The following SLC37A3 variants were observed in gnomAD, a reference collection of about 807,000 sequenced individuals.
SLC37A3 encodes the protein sugar phosphate exchanger 3.
SLC37A3 carries 51 observed loss-of-function variants against 67.1 expected under a neutral mutation model. That is an observed-to-expected ratio of 0.76 (90% CI 0.61 to 0.96). SLC37A3 has a LOEUF of 0.96. Among genes scored for constraint, SLC37A3 ranks in the 40% least tolerant of loss-of-function variants. The probability of loss-of-function intolerance (pLI) is 0.00; values close to 1 mark genes in which losing one functional copy is unlikely to be tolerated. For missense variants in SLC37A3, 508 were observed against 603.0 expected (o/e 0.84, Z 1.65); for synonymous variants, 214 against 231.4 (o/e 0.92, Z 0.68).
chr7:140,351,905 T>C (rs1796817832), intron 8 of SLC37A3, 157 bp downstream of exon 8: 2 of 769,966 alleles, frequency 2.6e-6, no homozygotes. Flanking sequence ...CTGGCTACAA[T>C]GTCGACAGGA....
chr7:140,347,880 G>C (rs1386664584), intron 10 of SLC37A3, among the ~76,000 whole-genome samples: 1 of 152,072 alleles, frequency 6.6e-6, no homozygotes, highest in Non-Finnish European at 1.5e-5. Flanking sequence ...ACACTAAGGT[G>C]TATTTCCCCT....
intron 2 of SLC37A3, among the ~76,000 whole-genome samples, chr7:140,381,022 C>T (rs1798230790): frequency 6.6e-6 from 1 of 151,244 alleles, no homozygotes; most frequent in Admixed American, 6.6e-5. Flanking sequence ...CTCAGCCTCC[C>T]GAGTAGCTGG....
At chr7:140,375,052 AGAAGAATC>A (rs71170986) in intron 3 of SLC37A3, among the ~76,000 whole-genome samples, 82,312 of 150,418 alleles carry the variant, frequency 0.55, 22,624 homozygotes, top group South Asian at 0.65. Context: ...AGGCTGAGGC[AGAAGAATC>A]GAAGAATCGC....
chr7:140,340,381 T>C (rs1160891062), intron 13 of SLC37A3, among the ~76,000 whole-genome samples: 1 of 152,092 alleles, frequency 6.6e-6, no homozygotes, highest in African/African-American at 2.4e-5. Context: ...TACTATTTAT[T>C]GAGAGACCAT....
At chr7:140,385,251 T>A (rs1228140192) in intron 1 of SLC37A3, among the ~76,000 whole-genome samples, 1 of 152,246 alleles carries the variant, frequency 6.6e-6, no homozygotes, top group African/African-American at 2.4e-5. Flanking sequence ...AAAGTCATTC[T>A]TCTTGGGAAA....
At chr7:140,374,115 C>T (rs890945828) in intron 3 of SLC37A3, among the ~76,000 whole-genome samples, 1 of 152,120 alleles carries the variant, frequency 6.6e-6, no homozygotes, top group Admixed American at 6.6e-5. Flanking sequence ...GACCAAAAAG[C>T]TAGAAAATCC....
rs375256772 is a variant in SLC37A3, at chr7:140,390,363, C to T, written c.-70-7767G>A. On this transcript the variant is annotated intron_variant, in intron 1 of 14. Coordinates refer to ENST00000326232, the MANE Select transcript of SLC37A3 (RefSeq NM_207113.3). ...GAAACCTAGTTACATGGTTAGCAGG[C>T]ACTATATCCTCACAAGACTCCGGGT... Among the ~76,000 whole-genome samples the T allele has an allele frequency of 1.1e-4, 16 of 152,156 alleles. No individual in the cohort carries two copies. The East Asian group carries it at 3.1e-3, about 29-fold the overall frequency.
rs373540950 is a variant in SLC37A3, at chr7:140,345,977, G to A, written c.1025-7C>T. On this transcript the variant is annotated splice_polypyrimidine_tract_variant and splice_region_variant and intron_variant, in intron 10 of 14. Coordinates refer to ENST00000326232, the MANE Select transcript of SLC37A3 (RefSeq NM_207113.3). Reference sequence around the variant, plus strand: ...AAGCCTTGCAAAGTTCCACCTTCAAGCAGAGTGTCGAGCAATCAAAATCAC... The same window carrying A: ...AAGCCTTGCAAAGTTCCACCTTCAAACAGAGTGTCGAGCAATCAAAATCAC... The A allele has an allele frequency of 5.6e-6, 9 of 1,605,302 alleles. No individual in the cohort carries two copies. The highest frequency in any genetic ancestry group is 1.7e-5 in the Admixed American group (1 of 59,960).
At chr7:140,378,442 G>T (rs1184263802) in intron 3 of SLC37A3, among the ~76,000 whole-genome samples, 1 of 152,096 alleles carries the variant, frequency 6.6e-6, no homozygotes, top group African/African-American at 2.4e-5. Flanking sequence ...CCATCTTTAA[G>T]ATTTATGATT....
intron 12 of SLC37A3, 186 bp from the exon 13 acceptor site, chr7:140,343,749 C>T: frequency 1.7e-6 from 1 of 591,294 alleles, no homozygotes; most frequent in Admixed American, 3.4e-5. Context: ...GAAATCCCTT[C>T]TCGAATTATG....
intron 8 of SLC37A3, 117 bp from the exon 9 acceptor site, chr7:140,351,568 C>T (rs1045848660): frequency 2.3e-5 from 26 of 1,113,974 alleles, no homozygotes; most frequent in African/African-American, 6.3e-5. Flanking sequence ...GAAGCAGCAA[C>T]GAAGGTCCAG....
chr7:140,395,166 A>C (rs1798869020), intron 1 of SLC37A3, among the ~76,000 whole-genome samples: 1 of 149,464 alleles, frequency 6.7e-6, no homozygotes, highest in Non-Finnish European at 1.5e-5. Flanking sequence ...TCACGAGGTT[A>C]GGAGTTCAAG....
At chr7:140,395,498 A>G (rs1246117751) in intron 1 of SLC37A3, among the ~76,000 whole-genome samples, 2 of 151,484 alleles carry the variant, frequency 1.3e-5, no homozygotes, top group Non-Finnish European at 2.9e-5. Context: ...ATTTGAGGTC[A>G]GGAGTTCTAG....
At chr7:140,354,133 T>C (rs1413202995) in intron 7 of SLC37A3, among the ~76,000 whole-genome samples, 3 of 152,268 alleles carry the variant, frequency 2.0e-5, no homozygotes, top group Admixed American at 6.5e-5. Context: ...ACTATGTCCC[T>C]GTTCGCTGAC....
At chr7:140,336,215 C>G (rs1257327051) in intron 14 of SLC37A3, among the ~76,000 whole-genome samples, 3 of 152,184 alleles carry the variant, frequency 2.0e-5, no homozygotes, top group African/African-American at 7.2e-5. Context: ...AGTTTGAGAC[C>G]AGCCTGGGCA....
intron 1 of SLC37A3, among the ~76,000 whole-genome samples, chr7:140,391,279 G>A (rs1031919847): frequency 2.6e-5 from 4 of 152,218 alleles, no homozygotes; most frequent in African/African-American, 9.6e-5. Flanking sequence ...CTTAGGCCAG[G>A]CACAGTGGCT....
intron 7 of SLC37A3, 76 bp from the exon 8 acceptor site, chr7:140,352,222 G>C (rs1187073026): frequency 9.2e-7 from 1 of 1,088,786 alleles, no homozygotes; most frequent in South Asian, 1.4e-5. Context: ...AAAGGTGTGT[G>C]GGGGAAGGTG....
chr7:140,393,888 G>C (rs1262894847), intron 1 of SLC37A3, among the ~76,000 whole-genome samples: 2 of 152,126 alleles, frequency 1.3e-5, no homozygotes, highest in Non-Finnish European at 2.9e-5. Context: ...AAGATTTTTT[G>C]GGCCGGGCGC....
rs533086651 is a variant in SLC37A3, at chr7:140,356,966, A to G, written c.522-1202T>C. Among the ~76,000 whole-genome samples the G allele has an allele frequency of 1.8e-3, 271 of 152,148 alleles. 2 individuals carry two copies. The highest frequency in any genetic ancestry group is 6.4e-3 in the African/African-American group (264 of 41,514). ...CAGTAGCTACGCCTATAGTCCCAGC[A>G]CTTTGGGAGGCCAAGGTGGGTGGAT... is the stretch of plus-strand genomic sequence containing the variant. On this transcript the variant is annotated intron_variant, in intron 6 of 14. Transcript: ENST00000326232.
Sources: gnomAD v4.1 joint callset for allele counts (sites outside exome capture counted in the v4.1 genomes callset) on GRCh38, gnomAD v4.1.1 for gene constraint, MANE v1.5 for transcripts, NCBI Gene and HGNC (gene_info 2026-07-23, HGNC 2026-07-21) for gene names.